UBL3: variants seen among roughly 807,000 people sequenced by gnomAD.
UBL3 encodes ubiquitin-like protein 3.
A neutral mutation model predicts 18.4 loss-of-function variants in UBL3; 6 were observed. The observed-to-expected ratio is 0.33, with a 90% CI of 0.18 to 0.64. The LOEUF is 0.64. UBL3 is among the 30% of genes least tolerant of loss of function. UBL3 has a pLI of 0.76. For missense variants in UBL3, 109 were observed against 142.9 expected (o/e 0.76, Z 1.21); for synonymous variants, 49 against 46.6 (o/e 1.05, Z -0.21).
chr13:29,835,134 ATATATATATATATATATATAT>A (rs1878912895), intron 1 of UBL3, among the ~76,000 whole-genome samples: 2 of 7,422 alleles, frequency 2.7e-4, no homozygotes, highest in African/African-American at 6.3e-4. Context: ...AAATATATAT[ATATATATATATATATATATAT>A]ATATATATAT....
chr13:29,780,441 G>T (rs1451558788), intron 1 of UBL3, among the ~76,000 whole-genome samples: 4 of 135,442 alleles, frequency 3.0e-5, no homozygotes, highest in African/African-American at 1.1e-4. Context: ...TATATATATA[G>T]CAAATAAGAA....
chr13:29,818,966 A>G (rs1053047855), intron 1 of UBL3, among the ~76,000 whole-genome samples: 1 of 152,160 alleles, frequency 6.6e-6, no homozygotes, highest in Admixed American at 6.5e-5. Flanking sequence ...GTGTGATAAG[A>G]GTATTATGGT....
At chr13:29,813,215 C>T (rs969950205) in intron 1 of UBL3, among the ~76,000 whole-genome samples, 2 of 152,048 alleles carry the variant, frequency 1.3e-5, no homozygotes, top group African/African-American at 4.8e-5. Context: ...AATCAGATAT[C>T]TCCCTTTGCC....
chr13:29,819,113 A>C (rs980524), intron 1 of UBL3, among the ~76,000 whole-genome samples: 9,691 of 152,276 alleles, frequency 0.064, 393 homozygotes, highest in East Asian at 0.17. Context: ...ATGAGGTGAC[A>C]ACTGTTGAAG....
chr13:29,768,275 AT>A, intron 3 of UBL3, among the ~76,000 whole-genome samples: 1 of 152,056 alleles, frequency 6.6e-6, no homozygotes, highest in Non-Finnish European at 1.5e-5. Context: ...TCTTTATAAC[AT>A]TTTTTCACTC....
rs750264886 is a variant in UBL3, at chr13:29,777,311, A to G, written c.28-48T>C. 5 of 1,472,532 alleles carry G rather than the reference A, an allele frequency of 3.4e-6. No individual in the cohort carries two copies. In the South Asian group the frequency reaches 6.5e-5, roughly 19 times the overall value. The allele number at this position is 1,472,532 out of a possible 1,614,324, so 91.2% of individuals were successfully genotyped here. A position where few individuals can be genotyped will look rare whatever the true frequency, so the allele number is the denominator to read the frequency against. Reference sequence around the variant, plus strand: ...TTAACATAAATCTAAAAATTTTTTAAGTAAAAAAGAAGACTCAAAGGCTTT... The same window carrying G: ...TTAACATAAATCTAAAAATTTTTTAGGTAAAAAAGAAGACTCAAAGGCTTT... On this transcript the variant is annotated intron_variant, in intron 1 of 4. Coordinates refer to ENST00000380680, the MANE Select transcript of UBL3 (RefSeq NM_007106.4).
At chr13:29,772,220 G>C (rs375045687) in intron 2 of UBL3, 22 bp from the exon 3 acceptor site, 822 of 1,587,354 alleles carry the variant, frequency 5.2e-4, no homozygotes, top group Non-Finnish European at 6.5e-4. Context: ...CCAGTGTACT[G>C]GTTAGGTATA....
At chr13:29,832,347 T>G (rs1878799563) in intron 1 of UBL3, among the ~76,000 whole-genome samples, 1 of 151,928 alleles carries the variant, frequency 6.6e-6, no homozygotes, top group African/African-American at 2.4e-5. Flanking sequence ...TTTTTTTTTT[T>G]TTTAAGACGG....
intron 1 of UBL3, among the ~76,000 whole-genome samples, chr13:29,825,612 C>T (rs181244803): frequency 4.5e-4 from 69 of 152,208 alleles, no homozygotes; most frequent in African/African-American, 1.4e-3. Flanking sequence ...GCTGAGACGA[C>T]GGGGTTTTCT....
chr13:29,780,551 T>TA (rs1173206786), intron 1 of UBL3, among the ~76,000 whole-genome samples: 10 of 151,308 alleles, frequency 6.6e-5, no homozygotes, highest in Admixed American at 6.6e-4. Context: ...AAAACTAAAT[T>TA]ACTTGGATCT....
chr13:29,831,293 A>T (rs1878763326), intron 1 of UBL3, among the ~76,000 whole-genome samples: 1 of 152,286 alleles, frequency 6.6e-6, no homozygotes, highest in Middle Eastern at 3.4e-3. Flanking sequence ...TTGCTCTTTT[A>T]AAAAAGATAA....
At chr13:29,822,025 A>T (rs528918910) in intron 1 of UBL3, among the ~76,000 whole-genome samples, 1 of 152,360 alleles carries the variant, frequency 6.6e-6, no homozygotes, top group South Asian at 2.1e-4. Flanking sequence ...CTTAATTCTG[A>T]TATAATTAAC....
At chr13:29,836,370 ATAAATAAAT>A (rs1566001427) in intron 1 of UBL3, among the ~76,000 whole-genome samples, 1 of 151,982 alleles carries the variant, frequency 6.6e-6, no homozygotes, top group Non-Finnish European at 1.5e-5. Flanking sequence ...AAATAAATAA[ATAAATAAAT>A]AAAATAAAAC....
intron 1 of UBL3, among the ~76,000 whole-genome samples, chr13:29,789,652 A>C (rs1400506468): frequency 4.6e-5 from 7 of 152,224 alleles, no homozygotes; most frequent in Non-Finnish European, 1.0e-4. Flanking sequence ...CTCAGCAGGC[A>C]ATGGGGCTAA....
intron 1 of UBL3, among the ~76,000 whole-genome samples, chr13:29,834,841 T>G (rs1310005412): frequency 1.3e-5 from 2 of 151,410 alleles, no homozygotes; most frequent in Admixed American, 6.6e-5. Context: ...TTCAGGAAAA[T>G]AATCAAACAT....
chr13:29,794,477 T>A (rs1346987604), intron 1 of UBL3, among the ~76,000 whole-genome samples: 4 of 152,126 alleles, frequency 2.6e-5, no homozygotes, highest in African/African-American at 9.7e-5. Flanking sequence ...TAGAGAATAA[T>A]AATGATCCTA....
intron 1 of UBL3, among the ~76,000 whole-genome samples, chr13:29,778,708 C>T (rs755438247): frequency 6.6e-6 from 1 of 152,060 alleles, no homozygotes; most frequent in Non-Finnish European, 1.5e-5. Context: ...TGTTTACTAC[C>T]ACCATGGCCA....
At chr13:29,833,179 G>A (rs1018872682) in intron 1 of UBL3, among the ~76,000 whole-genome samples, 1 of 152,302 alleles carries the variant, frequency 6.6e-6, no homozygotes. Flanking sequence ...TTAGTAGGTA[G>A]TACAGTCAGA....
intron 1 of UBL3, among the ~76,000 whole-genome samples, chr13:29,834,668 T>C (rs1388436590): frequency 6.6e-6 from 1 of 152,178 alleles, no homozygotes; most frequent in African/African-American, 2.4e-5. Context: ...AATTAAATGT[T>C]AAGCAAAGGC....
Sources: gnomAD v4.1 joint callset for allele counts (sites outside exome capture counted in the v4.1 genomes callset) on GRCh38, gnomAD v4.1.1 for gene constraint, MANE v1.5 for transcripts, NCBI Gene and HGNC (gene_info 2026-07-23, HGNC 2026-07-21) for gene names.